Variants in ABCC2 observed in about 807,000 individuals in gnomAD.
ABCC2 encodes the protein ATP-binding cassette sub-family C member 2.
In ABCC2, 157 loss-of-function variants were observed where a neutral mutation model predicts 173.4. The observed-to-expected ratio is 0.91, with a 90% CI of 0.80 to 1.03. ABCC2 has a LOEUF of 1.03. Among genes scored for constraint, ABCC2 ranks in the 50% least tolerant of loss-of-function variants. The probability of loss-of-function intolerance (pLI) is 0.00; values close to 1 mark genes in which losing one functional copy is unlikely to be tolerated. For synonymous variants in ABCC2, 657 were observed against 693.5 expected, an observed-to-expected ratio of 0.95 and a Z score of 0.83; for missense variants, 1,822 against 1,852.3, an observed-to-expected ratio of 0.98 and a Z score of 0.30.
intron 17 of ABCC2, 81 bp downstream of exon 17, chr10:99,817,565 G>A (rs184831883): frequency 1.4e-6 from 2 of 1,459,658 alleles, no homozygotes; most frequent in East Asian, 2.3e-5. Context: ...GAACTACACA[G>A]GGGTAATCTA....
rs1004474222 is a variant in ABCC2, at chr10:99,798,644, G to A, written c.868-563G>A. On this transcript the variant is annotated intron_variant, in intron 7 of 31. Transcript: ENST00000647814. ...TCTGACCTCTGCCTCCACCATCACA[G>A]GACCATCTTCTCTCTGTGTCTGTCT... 6.6e-5 allele frequency among the ~76,000 whole-genome samples: 10 copies of A among 152,096 alleles called. No individual in the cohort carries two copies. In the South Asian group the frequency reaches 8.3e-4, roughly 13 times the overall value.
intron 2 of ABCC2, among the ~76,000 whole-genome samples, chr10:99,790,242 G>A (rs1342390497): frequency 6.6e-6 from 1 of 152,074 alleles, no homozygotes; most frequent in East Asian, 1.9e-4. Context: ...TTTGCTAATT[G>A]GTTAGGCAAA....
intron 25 of ABCC2, 152 bp from the exon 26 acceptor site, chr10:99,841,815 T>C: frequency 1.1e-6 from 1 of 940,176 alleles, no homozygotes; most frequent in Non-Finnish European, 1.7e-6. Flanking sequence ...CTTTTAGGAA[T>C]ACATGGTGTT....
rs777729976 is a variant in ABCC2 at position 99,793,967 on chromosome 10, T to G, written c.544T>G (p.Ser182Ala). 88 of 1,612,736 alleles carry G rather than the reference T, an allele frequency of 5.5e-5. No homozygotes were observed. The highest frequency in any genetic ancestry group is 7.2e-5 in the Non-Finnish European group (85 of 1,179,008). ...YGFQILILIF[S>A]AFSENNESSN... Reference sequence around the variant, plus strand: ...ATTCCAGATCCTGATCCTGATCTTTTCAGCATTTTCAGAAAATAATGAGTC... The same window carrying G: ...ATTCCAGATCCTGATCCTGATCTTTGCAGCATTTTCAGAAAATAATGAGTC... The change falls in exon 5 of 32, where the codon TCA (serine) becomes GCA (alanine). Residue 182 changes from serine (S) to alanine (A), a missense_variant. Ser to Ala is a moderately conservative substitution (Grantham distance 99). Transcript: ENST00000647814.
intron 17 of ABCC2, 144 bp from the exon 18 acceptor site, chr10:99,818,643 GTTC>G (rs2038465979): frequency 2.7e-6 from 2 of 747,398 alleles, no homozygotes; most frequent in African/African-American, 1.8e-5. Context: ...ATTTGAATCA[GTTC>G]TTTATTTGTA....
At chr10:99,808,632 C>T (rs942054220) in intron 13 of ABCC2, among the ~76,000 whole-genome samples, 2 of 152,072 alleles carry the variant, frequency 1.3e-5, no homozygotes, top group Non-Finnish European at 2.9e-5. Flanking sequence ...TGCATAAACC[C>T]ATGTGTTGGT....
At chr10:99,844,551 C>G (rs1273821447) in intron 28 of ABCC2, 86 bp downstream of exon 28, 2 of 1,563,464 alleles carry the variant, frequency 1.3e-6, no homozygotes, top group Non-Finnish European at 1.7e-6. Flanking sequence ...GGCCCTAAGC[C>G]TTCATCATTT....
intron 16 of ABCC2, among the ~76,000 whole-genome samples, chr10:99,816,780 C>T (rs1016937985): frequency 2.0e-5 from 3 of 152,108 alleles, no homozygotes; most frequent in Admixed American, 6.6e-5. Context: ...CTCATAGGAC[C>T]ATGAACCCTA....
rs751940502 is a variant in ABCC2 at position 99,808,183 on chromosome 10, G to A, written c.1769G>A (p.Arg590His). Reference sequence around the variant, plus strand: ...TCCATTACCCTCTTCAATATCCTGCGCTTTCCCCTGAGCATGCTTCCCATG... The same window carrying A: ...TCCATTACCCTCTTCAATATCCTGCACTTTCCCCTGAGCATGCTTCCCATG... ...FTSITLFNIL[R>H]FPLSMLPMMI... Residue 590 changes from arginine (R) to histidine (H), a missense_variant, in exon 13 of 32, where the codon CGC becomes CAC. Coordinates refer to ENST00000647814, the MANE Select transcript of ABCC2 (RefSeq NM_000392.5). 5.3e-5 allele frequency: 86 copies of A among 1,614,030 alleles called. No individual in the cohort carries two copies. Among genetic ancestry groups the A allele is most frequent in the Admixed American group, 1.5e-4 (9 of 60,024 alleles).
At chr10:99,809,069 G>A (rs943547261) in intron 13 of ABCC2, among the ~76,000 whole-genome samples, 2 of 152,046 alleles carry the variant, frequency 1.3e-5, no homozygotes, top group African/African-American at 4.8e-5. Flanking sequence ...ATCAAAAAGG[G>A]TCAGATGGTG....
intron 24 of ABCC2, 151 bp downstream of exon 24, chr10:99,834,686 G>A (rs1463947890): frequency 2.4e-5 from 23 of 971,638 alleles, no homozygotes. Flanking sequence ...ACATACCCAG[G>A]AGCCCACAGG....
At chr10:99,797,444 C>T (rs1190334421) in intron 7 of ABCC2, 113 bp downstream of exon 7, 2 of 895,786 alleles carry the variant, frequency 2.2e-6, no homozygotes, top group East Asian at 2.6e-5. Context: ...CTTCTCAGTG[C>T]ACTTCATATT....
At position 99,797,083 on chromosome 10, in the gene ABCC2, C is replaced by CTTGTTCCA. The variant is rs1564673167; in HGVS notation, c.633-14_633-13insTTGTTCCA. The CTTGTTCCA allele has an allele frequency of 3.7e-6, 6 of 1,612,508 alleles. No individual in the cohort carries two copies. The highest frequency in any genetic ancestry group is 5.1e-6 in the Non-Finnish European group (6 of 1,178,888). On this transcript the variant is annotated splice_polypyrimidine_tract_variant and intron_variant, in intron 6 of 31. Transcript: ENST00000647814. ...AGCCTGGGGGTCTCAGCCTGTGGTT[C>CTTGTTCCA]GCTCTTGTTCCAGCATCATTCTGAA...
chr10:99,794,444 G>GCTT lies in ABCC2; in HGVS notation c.609_610insTTC (p.Ser203_Ile204insPhe). On this transcript the variant is annotated inframe_insertion, in exon 6 of 32. Coordinates refer to ENST00000647814, the MANE Select transcript of ABCC2 (RefSeq NM_000392.5). ...TCATCCATAGCTTCATTCCTGAGTAGCATTACCTACAGCTGGTATGACAGG... is the reference window on the plus strand; with the variant it reads ...TCATCCATAGCTTCATTCCTGAGTAGCTTCATTACCTACAGCTGGTATGACAGG... The GCTT allele has an allele frequency of 1.2e-6, 2 of 1,613,928 alleles. No homozygotes were observed. The highest frequency in any genetic ancestry group is 1.7e-6 in the Non-Finnish European group (2 of 1,179,912).
Position 99,834,480 on chromosome 10 carries a change from C to T in ABCC2, c.3359C>T (p.Thr1120Ile). ...ACCCTTGTCATGATCTGCATGGCCA[C>T]TCCTGTCTTCACCATCATCGTCATT... ...ISTLVMICMATPVFTIIVIPL... is the reference protein window; with the variant it reads ...ISTLVMICMAIPVFTIIVIPL... The change falls in exon 24 of 32, where the codon ACT (threonine) becomes ATT (isoleucine). Residue 1120 changes from threonine to isoleucine, a missense_variant. By Grantham distance (89) the Thr-to-Ile change is moderately conservative. Transcript: ENST00000647814. The T allele has an allele frequency of 6.2e-7, 1 of 1,614,138 alleles. No individual in the cohort carries two copies. Among genetic ancestry groups the T allele is most frequent in the Non-Finnish European group, 8.5e-7 (1 of 1,179,992 alleles).
At position 99,793,983 on chromosome 10, in the gene ABCC2, A is replaced by C; in HGVS notation, c.560A>C (p.Asn187Thr). ...LILIFSAFSE[N>T]NESSNNPSSI... Reference sequence around the variant, plus strand: ...CTGATCTTTTCAGCATTTTCAGAAAATAATGAGTCATCAAATGTGAGATTC... The same window carrying C: ...CTGATCTTTTCAGCATTTTCAGAAACTAATGAGTCATCAAATGTGAGATTC... The change falls in exon 5 of 32, where the codon AAT (asparagine) becomes ACT (threonine). Residue 187 changes from asparagine to threonine, a missense_variant. Coordinates refer to ENST00000647814, the MANE Select transcript of ABCC2 (RefSeq NM_000392.5). 6.2e-6 allele frequency: 10 copies of C among 1,607,616 alleles called. No individual in the cohort carries two copies. The highest frequency in any genetic ancestry group is 8.5e-6 in the Non-Finnish European group (10 of 1,174,490).
In ABCC2 at chr10:99,793,385, G is replaced by A. The variant is rs112202138; in HGVS notation, c.334-166G>A. Among the ~76,000 whole-genome samples, 1,032 of 152,230 alleles carry A rather than the reference G, an allele frequency of 6.8e-3. 8 individuals are homozygous for A. Among genetic ancestry groups the A allele is most frequent in the African/African-American group, 0.023 (960 of 41,528 alleles). On this transcript the variant is annotated intron_variant, in intron 3 of 31. Transcript: ENST00000647814. The stretch of plus-strand genomic sequence containing the variant: ...AAAAGAAAAAGCTGGATGGCATGGG[G>A]GTGACATGTTCAACCTGGCATCTGT...
In ABCC2 at chr10:99,843,778, A is replaced by G. The variant is rs2038978096; in HGVS notation, c.3742-21A>G. The G allele has an allele frequency of 1.9e-6, 3 of 1,603,094 alleles. No individual in the cohort carries two copies. In the East Asian group the frequency reaches 6.7e-5, roughly 36 times the overall value. ...GGTTTCTGTGCCTATGATGATTTTCAGTCTTCTGGTTTTTCTGTAGATCAC... is the reference window on the plus strand; with the variant it reads ...GGTTTCTGTGCCTATGATGATTTTCGGTCTTCTGGTTTTTCTGTAGATCAC... On this transcript the variant is annotated intron_variant, in intron 26 of 31. Coordinates refer to ENST00000647814, the MANE Select transcript of ABCC2 (RefSeq NM_000392.5).
chr10:99,797,209 G>A lies in ABCC2; in HGVS notation c.745G>A (p.Glu249Lys), dbSNP rs375549546. The A allele has an allele frequency of 6.2e-7, 1 of 1,614,190 alleles. No homozygotes were observed. The highest frequency in any genetic ancestry group is 8.5e-7 in the Non-Finnish European group (1 of 1,180,024). Residue 249 changes from glutamate (E) to lysine (K), a missense_variant, in exon 7 of 32, where the codon GAG (glutamate) becomes AAG (lysine). Transcript: ENST00000647814. ...VSKFETHMKR[E>K]LQKARRALQR... ...CAAGTTTGAAACGCACATGAAGAGA[G>A]AGCTGCAGAAAGCCAGGCGGGCACT...
Sources: gnomAD v4.1 joint callset for allele counts (sites outside exome capture counted in the v4.1 genomes callset) on GRCh38, gnomAD v4.1.1 for gene constraint, MANE v1.5 for transcripts, NCBI Gene and HGNC (gene_info 2026-07-23, HGNC 2026-07-21) for gene names.